The following CACNA2D3 variants were observed in gnomAD, a reference collection of about 807,000 sequenced individuals.
The protein encoded by CACNA2D3 is voltage-dependent calcium channel subunit alpha-2/delta-3.
CACNA2D3 carries 60 observed loss-of-function variants against 160.6 expected under a neutral mutation model. The ratio of observed to expected loss-of-function variants is 0.37; its 90% CI spans 0.30 to 0.46. The LOEUF (loss-of-function observed/expected upper bound fraction) is 0.46. CACNA2D3 is among the 20% of genes least tolerant of loss of function. The pLI is 1.00. For synonymous variants in CACNA2D3, 558 were observed against 492.9 expected (o/e 1.13, Z -1.75); for missense variants, 1,205 against 1,365.0 (o/e 0.88, Z 1.85).
chr3:54,527,878 G>C (rs1293682685), intron 5 of CACNA2D3, among the ~76,000 whole-genome samples: 1 of 152,172 alleles, frequency 6.6e-6, no homozygotes, highest in African/African-American at 2.4e-5. Context: ...TTCTTACTGA[G>C]TTTTAGTGGG....
At chr3:54,773,866 A>G (rs144201790) in intron 13 of CACNA2D3, among the ~76,000 whole-genome samples, 54 of 152,326 alleles carry the variant, frequency 3.5e-4, no homozygotes, top group African/African-American at 1.2e-3. Flanking sequence ...AAAACTCTAT[A>G]TGGGTGACTG....
intron 4 of CACNA2D3, among the ~76,000 whole-genome samples, chr3:54,455,466 A>G (rs1700381216): frequency 6.6e-6 from 1 of 151,990 alleles, no homozygotes; most frequent in Admixed American, 6.6e-5. Flanking sequence ...AGTTTTTTGT[A>G]TAATAATCCA....
Position 54,399,746 on chromosome 3 carries a change from C to G in CACNA2D3, c.381+12972C>G, listed in dbSNP as rs1429994874. Among the ~76,000 whole-genome samples, 4 of 72,220 alleles carry G rather than the reference C, an allele frequency of 5.5e-5. 1 individual carries two copies. The highest frequency in any genetic ancestry group is 1.1e-4 in the Non-Finnish European group (4 of 37,452). The allele number at this position is 72,220 out of a possible 152,430, so 47.4% of individuals were successfully genotyped here. A position where few individuals can be genotyped will look rare whatever the true frequency, so the allele number is the denominator to read the frequency against. On this transcript the variant is annotated intron_variant, in intron 4 of 37. Coordinates refer to ENST00000474759, the MANE Select transcript of CACNA2D3 (RefSeq NM_018398.3). Reference sequence around the variant, plus strand: ...AGCTGTCAGACAGGGACACTTAAGTCTGCAGAGGTTACTGCTGTCTTTTTG... The same window carrying G: ...AGCTGTCAGACAGGGACACTTAAGTGTGCAGAGGTTACTGCTGTCTTTTTG...
chr3:54,262,233 A>G (rs1471514385), intron 2 of CACNA2D3, among the ~76,000 whole-genome samples: 1 of 152,130 alleles, frequency 6.6e-6, no homozygotes, highest in Non-Finnish European at 1.5e-5. Flanking sequence ...ATATCATATC[A>G]CAAACTCAGG....
rs1301444869 is a variant in CACNA2D3 at position 55,073,859 on chromosome 3, G to GGTAA, written c.3183+3_3183+6dup. ...AATCTTGTCATGGCTTCCATCCTGA[G>GGTAA]GTAAGTCTGAGAACTGTTCCTGTTT... On this transcript the variant is annotated frameshift_variant and splice_region_variant. Transcript: ENST00000474759. LOFTEE classifies it high-confidence loss of function. 19 of 1,612,648 alleles carry GGTAA rather than the reference G, an allele frequency of 1.2e-5. No homozygotes were observed. Among genetic ancestry groups the GGTAA allele is most frequent in the Middle Eastern group, 1.7e-4 (1 of 6,060 alleles).
intron 11 of CACNA2D3, among the ~76,000 whole-genome samples, chr3:54,719,507 C>T (rs1358857967): frequency 1.3e-5 from 2 of 151,906 alleles, no homozygotes; most frequent in African/African-American, 2.4e-5. Flanking sequence ...ATAAATTCAA[C>T]TTTGTCATAA....
At chr3:54,390,927 T>C (rs1245306458) in intron 4 of CACNA2D3, among the ~76,000 whole-genome samples, 2 of 152,214 alleles carry the variant, frequency 1.3e-5, no homozygotes, top group Middle Eastern at 3.4e-3. Context: ...ATCTGCTCAC[T>C]GTGAAATAAC....
intron 13 of CACNA2D3, among the ~76,000 whole-genome samples, chr3:54,773,030 C>G (rs979813213): frequency 5.9e-5 from 9 of 152,224 alleles, no homozygotes; most frequent in African/African-American, 1.7e-4. Flanking sequence ...AATTCATTAT[C>G]AAGCCCTCTT....
At chr3:54,199,504 G>A (rs72972052) in intron 2 of CACNA2D3, among the ~76,000 whole-genome samples, 1 of 151,794 alleles carries the variant, frequency 6.6e-6, no homozygotes, top group Admixed American at 6.6e-5. Context: ...CCACAGGCAC[G>A]TGCTACCCGT....
At chr3:54,231,286 G>T (rs1315559224) in intron 2 of CACNA2D3, among the ~76,000 whole-genome samples, 2 of 152,178 alleles carry the variant, frequency 1.3e-5, no homozygotes, top group Non-Finnish European at 2.9e-5. Flanking sequence ...TTCTTAAGCA[G>T]GAGTTACAAA....
chr3:54,745,726 C>T lies in CACNA2D3; in HGVS notation c.1168-6873C>T, dbSNP rs532066994. 7.2e-5 allele frequency among the ~76,000 whole-genome samples: 11 copies of T among 152,300 alleles called. No homozygotes were observed. In the South Asian group the frequency reaches 2.1e-3, roughly 29 times the overall value. ...CTGGATGGCCAAGAAACACCTGTCT[C>T]CTTCACCTTAACAAAACACATGGCC... On this transcript the variant is annotated intron_variant, in intron 11 of 37. Coordinates refer to ENST00000474759, the MANE Select transcript of CACNA2D3 (RefSeq NM_018398.3).
intron 11 of CACNA2D3, among the ~76,000 whole-genome samples, chr3:54,647,647 AG>A (rs961120664): frequency 6.6e-5 from 10 of 152,094 alleles, no homozygotes; most frequent in African/African-American, 2.2e-4. Flanking sequence ...GGAACAGACC[AG>A]GGGGGGCATT....
chr3:54,500,178 T>G (rs1305595460), intron 4 of CACNA2D3, among the ~76,000 whole-genome samples: 7 of 152,198 alleles, frequency 4.6e-5, no homozygotes. Context: ...TTTTCCCTGC[T>G]CTGAAGTCTG....
intron 27 of CACNA2D3, among the ~76,000 whole-genome samples, chr3:54,954,522 G>A (rs902587667): frequency 8.5e-5 from 13 of 152,166 alleles, no homozygotes; most frequent in African/African-American, 2.9e-4. Context: ...TCTTTCTGTC[G>A]GGGTCTACCA....
At chr3:54,686,902 A>T (rs1403773245) in intron 11 of CACNA2D3, among the ~76,000 whole-genome samples, 1 of 152,086 alleles carries the variant, frequency 6.6e-6, no homozygotes, top group Non-Finnish European at 1.5e-5. Context: ...GTTAAGGGTG[A>T]TATAAAATAT....
intron 24 of CACNA2D3, among the ~76,000 whole-genome samples, chr3:54,889,363 C>T (rs1214239460): frequency 3.9e-5 from 6 of 152,118 alleles, no homozygotes; most frequent in Non-Finnish European, 8.8e-5. Context: ...AGTAAAGGTT[C>T]GTACAGTTTT....
At chr3:54,566,587 G>GAA (rs3030086) in intron 6 of CACNA2D3, among the ~76,000 whole-genome samples, 23,686 of 152,120 alleles carry the variant, frequency 0.16, 2,067 homozygotes, top group South Asian at 0.26. Context: ...CCTACATAAA[G>GAA]AAAACTGTGT....
intron 3 of CACNA2D3, among the ~76,000 whole-genome samples, chr3:54,327,419 C>G (rs1463034604): frequency 6.6e-6 from 1 of 152,232 alleles, no homozygotes; most frequent in Non-Finnish European, 1.5e-5. Flanking sequence ...AACTTTCATG[C>G]TTATTCTGGG....
At chr3:55,059,039 G>T (rs140929630) in intron 35 of CACNA2D3, among the ~76,000 whole-genome samples, 2 of 152,188 alleles carry the variant, frequency 1.3e-5, no homozygotes, top group South Asian at 4.1e-4. Flanking sequence ...AATGCAAGAT[G>T]TCCAACCTTT....
Sources: gnomAD v4.1 joint callset for allele counts (sites outside exome capture counted in the v4.1 genomes callset) on GRCh38, gnomAD v4.1.1 for gene constraint, MANE v1.5 for transcripts, NCBI Gene and HGNC (gene_info 2026-07-23, HGNC 2026-07-21) for gene names.